CELF5: variants seen among roughly 807,000 people sequenced by gnomAD.
The protein encoded by CELF5 is CUGBP Elav-like family member 5.
A neutral mutation model predicts 54.9 loss-of-function variants in CELF5; 6 were observed. The observed-to-expected ratio is 0.11, with a 90% CI of 0.06 to 0.22. CELF5 has a LOEUF of 0.22. Ranked by LOEUF, CELF5 falls within the 10% of genes least tolerant of loss-of-function variation. CELF5 has a pLI of 1.00. For synonymous variants in CELF5, 271 were observed against 290.9 expected (o/e 0.93, Z 0.70); for missense variants, 401 against 678.6 (o/e 0.59, Z 4.54).
chr19:3,264,471 A>G (rs1187465559), intron 2 of CELF5, among the ~76,000 whole-genome samples: 1 of 149,842 alleles, frequency 6.7e-6, no homozygotes, highest in Non-Finnish European at 1.5e-5. Context: ...GCTGGAGTGC[A>G]GTAGCGCAAT....
chr19:3,290,436 A>G lies in CELF5; in HGVS notation c.1330+62A>G, dbSNP rs2080324238. 26 of 1,589,764 alleles carry G rather than the reference A, an allele frequency of 1.6e-5. 1 individual carries two copies. Among genetic ancestry groups the G allele is most frequent in the Middle Eastern group, 3.4e-4 (2 of 5,886 alleles). ...TCCCTCGCCTGCCCCCTGACAGGGA[A>G]TGGGAGGGTTTTGGTCGGCCTCGGG... is the stretch of plus-strand genomic sequence containing the variant. On this transcript the variant is annotated intron_variant, in intron 11 of 12. Transcript: ENST00000292672.
chr19:3,238,730 G>A (rs1178615649), intron 1 of CELF5, among the ~76,000 whole-genome samples: 1 of 151,952 alleles, frequency 6.6e-6, no homozygotes, highest in African/African-American at 2.4e-5. Context: ...TCAGGAGTTC[G>A]AGACCAACCT....
At chr19:3,279,134 G>A (rs1276436422) in intron 5 of CELF5, among the ~76,000 whole-genome samples, 1 of 152,146 alleles carries the variant, frequency 6.6e-6, no homozygotes, top group Admixed American at 6.5e-5. Context: ...GCTGAGGTAG[G>A]AGGAGGCCTG....
At chr19:3,235,179 G>A (rs1198797004) in intron 1 of CELF5, among the ~76,000 whole-genome samples, 1 of 152,126 alleles carries the variant, frequency 6.6e-6, no homozygotes, top group Non-Finnish European at 1.5e-5. Context: ...CTGCATAAAT[G>A]TTCTTCCCCC....
chr19:3,236,785 A>G (rs550462652), intron 1 of CELF5, among the ~76,000 whole-genome samples: 1 of 150,424 alleles, frequency 6.6e-6, no homozygotes, highest in African/African-American at 2.4e-5. Context: ...GGAGTTTGAG[A>G]CCAGCCTGGC....
intron 2 of CELF5, among the ~76,000 whole-genome samples, chr19:3,256,629 C>T (rs1287773978): frequency 4.6e-5 from 7 of 151,138 alleles, no homozygotes; most frequent in Admixed American, 4.0e-4. Context: ...AGTGCAGTGG[C>T]GCGATCTCGG....
At chr19:3,233,325 G>T (rs1233320935) in intron 1 of CELF5, among the ~76,000 whole-genome samples, 2 of 152,164 alleles carry the variant, frequency 1.3e-5, no homozygotes, top group Non-Finnish European at 2.9e-5. Flanking sequence ...AGTCTGTATT[G>T]TGTGCCAGCC....
intron 1 of CELF5, among the ~76,000 whole-genome samples, chr19:3,245,399 T>C (rs1456555046): frequency 2.7e-5 from 4 of 150,112 alleles, no homozygotes; most frequent in Non-Finnish European, 3.0e-5. Context: ...TGTGTGTGTG[T>C]GCGTGTGTGT....
At chr19:3,244,039 G>A (rs1365034043) in intron 1 of CELF5, among the ~76,000 whole-genome samples, 2 of 152,144 alleles carry the variant, frequency 1.3e-5, no homozygotes, top group African/African-American at 2.4e-5. Context: ...TGGAGAGGGG[G>A]AGAAGCACAT....
chr19:3,244,861 AGT>A (rs1165427106), intron 1 of CELF5, among the ~76,000 whole-genome samples: 1 of 126,820 alleles, frequency 7.9e-6, no homozygotes, highest in African/African-American at 3.1e-5. Flanking sequence ...GTGTGTGTGT[AGT>A]GTGTGGTGTG....
intron 1 of CELF5, among the ~76,000 whole-genome samples, chr19:3,248,613 C>G (rs1347565215): frequency 6.6e-6 from 1 of 152,184 alleles, no homozygotes. Flanking sequence ...ATCCCTTCAT[C>G]TGTGAATGGA....
chr19:3,293,411 C>T lies in CELF5; in HGVS notation c.1423C>T (p.Leu475=), dbSNP rs1479742171. 3.1e-6 allele frequency: 5 copies of T among 1,614,018 alleles called. No homozygotes were observed. The highest frequency in any genetic ancestry group is 1.7e-5 in the Admixed American group (1 of 60,000). ...CGGCATGAAGAGGCTCAAAGTCCAG[C>T]TGAAGCGGCCCAAAGACCCGGGACA... ...QIGMKRLKVQ[L]KRPKDPGHPY is the part of the protein sequence containing the mutation. Residue 475 remains leucine (L), a synonymous_variant, in exon 12 of 13, where the codon CTG becomes TTG. Coordinates refer to ENST00000292672, the MANE Select transcript of CELF5 (RefSeq NM_021938.4).
In CELF5 at chr19:3,282,111, T is replaced by C. The variant is rs1350215534; in HGVS notation, c.751-15T>C. 1 of 1,614,080 alleles carries C rather than the reference T, an allele frequency of 6.2e-7. No individual in the cohort carries two copies. The highest frequency in any genetic ancestry group is 1.3e-5 in the African/African-American group (1 of 75,050). On this transcript the variant is annotated splice_polypyrimidine_tract_variant and intron_variant, in intron 6 of 12. Transcript: ENST00000292672. This position sits in a 1 kb window ranked among gnomAD's most constrained non-coding sequence, Gnocchi z 5.2. ...GGCAGATATCACCCCAACTGTGACA[T>C]GTCTTCACCCCCAGCTCATGCAACA...
At chr19:3,267,888 A>C (rs1235581004) in intron 2 of CELF5, among the ~76,000 whole-genome samples, 1 of 152,080 alleles carries the variant, frequency 6.6e-6, no homozygotes, top group African/African-American at 2.4e-5. Flanking sequence ...GAGTGAAACC[A>C]AACCTGAGAA....
rs34244242 is a variant in CELF5, at chr19:3,260,621, A to ATT, written c.342+9572_342+9573dup. ...AGGTGTGTGCCACCACACCTGGCTA[A>ATT]TTTTTTTTTTTTTTTTTTTGAGACA... On this transcript the variant is annotated intron_variant, in intron 2 of 12. Coordinates refer to ENST00000292672, the MANE Select transcript of CELF5 (RefSeq NM_021938.4). Among the ~76,000 whole-genome samples the ATT allele has an allele frequency of 8.7e-3, 914 of 104,594 alleles. 15 individuals carry two copies. The highest frequency in any genetic ancestry group is 0.03 in the African/African-American group (778 of 26,298). The allele number at this position is 104,594 out of a possible 152,430, so 68.6% of individuals were successfully genotyped here.
chr19:3,253,095 G>C (rs2079672830), intron 2 of CELF5, among the ~76,000 whole-genome samples: 1 of 142,792 alleles, frequency 7.0e-6, no homozygotes, highest in Non-Finnish European at 1.5e-5. Flanking sequence ...AGCTAAAAAA[G>C]TACATTAAAA....
Position 3,273,383 on chromosome 19 carries a change from C to T in CELF5, c.343-489C>T, listed in dbSNP as rs369472752. Among the ~76,000 whole-genome samples the T allele has an allele frequency of 3.5e-3, 534 of 151,830 alleles. 3 individuals are homozygous for T. Among genetic ancestry groups the T allele is most frequent in the African/African-American group, 0.012 (483 of 41,428 alleles). ...CTCCTCCCCTACTGAGGAGGAGGGG[C>T]CTCCTCCTGGGCCTATCCACCTGGC... On this transcript the variant is annotated intron_variant, in intron 2 of 12. Coordinates refer to ENST00000292672, the MANE Select transcript of CELF5 (RefSeq NM_021938.4).
intron 10 of CELF5, among the ~76,000 whole-genome samples, chr19:3,289,725 C>G (rs1386994178): frequency 7.6e-6 from 1 of 131,988 alleles, no homozygotes; most frequent in African/African-American, 3.0e-5. Flanking sequence ...ATTAGCAACG[C>G]ATGGTGGCTG....
rs1204284655 is a variant in CELF5, at chr19:3,257,785, TTTTATTTA to T, written c.342+6762_342+6769del. ...GCCACCATGCCCAGCCTCCATTTTT[TTTTATTTA>T]TTTATTTATTTATTTATTTATTTAT... On this transcript the variant is annotated intron_variant, in intron 2 of 12. Coordinates refer to ENST00000292672, the MANE Select transcript of CELF5 (RefSeq NM_021938.4). Among the ~76,000 whole-genome samples the T allele has an allele frequency of 4.0e-3, 324 of 80,596 alleles. 1 individual carries two copies. The highest frequency in any genetic ancestry group is 6.2e-3 in the Non-Finnish European group (230 of 37,190). The allele number at this position is 80,596 out of a possible 152,430, so 52.9% of individuals were successfully genotyped here.
Sources: gnomAD v4.1 joint callset for allele counts (sites outside exome capture counted in the v4.1 genomes callset) on GRCh38, gnomAD v4.1.1 for gene constraint, Gnocchi (gnomAD v3.1) non-coding constraint, MANE v1.5 for transcripts, NCBI Gene and HGNC (gene_info 2026-07-23, HGNC 2026-07-21) for gene names.